Variants in GUCY2F observed in about 807,000 individuals in gnomAD.
GUCY2F encodes guanylate cyclase 2F, retinal, also known as retinal guanylyl cyclase 2.
A neutral mutation model predicts 73.1 loss-of-function variants in GUCY2F; 61 were observed. The observed-to-expected ratio is 0.83, with a 90% confidence interval of 0.68 to 1.03. The LOEUF (loss-of-function observed/expected upper bound fraction) is 1.03. Among genes scored for constraint, GUCY2F ranks in the 50% least tolerant of loss-of-function variants. The probability of loss-of-function intolerance (pLI) is 0.00; values close to 1 mark genes in which losing one functional copy is unlikely to be tolerated. For synonymous variants in GUCY2F, 331 were observed against 307.8 expected (o/e 1.08, Z -0.79); for missense variants, 912 against 854.3 (o/e 1.07, Z -0.84).
intron 14 of GUCY2F, among the ~76,000 whole-genome samples, chrX:109,390,864 G>A (rs1930543850): frequency 8.9e-6 from 1 of 112,562 alleles, no homozygotes; most frequent in Non-Finnish European, 1.9e-5. Context: ...TTATTTCTGA[G>A]CCCTATTTAG....
chrX:109,468,827 T>C (rs954858130), intron 2 of GUCY2F, among the ~76,000 whole-genome samples: 1 of 112,159 alleles, frequency 8.9e-6, no homozygotes, highest in African/African-American at 3.2e-5. Context: ...AATACTGAAT[T>C]CAAACAACAG....
chrX:109,455,652 G>A (rs955381137), intron 3 of GUCY2F, among the ~76,000 whole-genome samples: 3 of 110,920 alleles, frequency 2.7e-5, no homozygotes, highest in Admixed American at 9.6e-5. Context: ...TCTCGCTGAC[G>A]TCTCTCTTCA....
chrX:109,411,077 C>T (rs768809287), intron 8 of GUCY2F, among the ~76,000 whole-genome samples: 41 of 109,475 alleles, frequency 3.7e-4, no homozygotes, highest in Admixed American at 9.8e-4. Context: ...AAAAAGACTC[C>T]ATGATCACTC....
At chrX:109,379,614 A>G (rs972912679) in intron 17 of GUCY2F, among the ~76,000 whole-genome samples, 6 of 112,411 alleles carry the variant, frequency 5.3e-5, no homozygotes, top group African/African-American at 1.9e-4. Context: ...CAGAATGTAA[A>G]TCTACCTAAA....
intron 5 of GUCY2F, among the ~76,000 whole-genome samples, chrX:109,451,794 A>C (rs896109159): frequency 9.0e-6 from 1 of 111,502 alleles, no homozygotes; most frequent in Non-Finnish European, 1.9e-5. Flanking sequence ...AGCCAGATCT[A>C]TTCACAGGCA....
intron 19 of GUCY2F, among the ~76,000 whole-genome samples, chrX:109,373,788 A>C (rs891144943): frequency 1.8e-5 from 2 of 113,005 alleles, no homozygotes; most frequent in Non-Finnish European, 3.7e-5. Flanking sequence ...GCCCAAAATT[A>C]ACCTCAGTAG....
intron 8 of GUCY2F, among the ~76,000 whole-genome samples, chrX:109,426,611 G>A (rs1017789306): frequency 4.5e-5 from 5 of 111,601 alleles, no homozygotes; most frequent in Non-Finnish European, 9.4e-5. Context: ...GGATGGTGTC[G>A]ATCTCCTGAC....
At chrX:109,392,336 C>T (rs1035157142) in intron 13 of GUCY2F, among the ~76,000 whole-genome samples, 8 of 112,022 alleles carry the variant, frequency 7.1e-5, no homozygotes, top group Non-Finnish European at 1.1e-4. Flanking sequence ...CTGGACAGAC[C>T]TGGTCTGTGC....
At chrX:109,477,607 A>G (rs185724317) in intron 1 of GUCY2F, among the ~76,000 whole-genome samples, 1 of 112,688 alleles carries the variant, frequency 8.9e-6, no homozygotes, top group Admixed American at 9.3e-5. Context: ...CTGAGACCCC[A>G]CAACACTTAA....
At chrX:109,398,990 G>A (rs1029360030) in intron 10 of GUCY2F, among the ~76,000 whole-genome samples, 104 of 112,201 alleles carry the variant, frequency 9.3e-4, no homozygotes, top group African/African-American at 3.2e-3. Flanking sequence ...TTGCTTTCTT[G>A]AGCCTGCAAG....
chrX:109,394,595 C>G (rs1325808750), intron 12 of GUCY2F, among the ~76,000 whole-genome samples: 1 of 112,272 alleles, frequency 8.9e-6, no homozygotes, highest in African/African-American at 3.2e-5. Context: ...ATGGTGAGCA[C>G]CCTCAGTTTT....
Position 109,465,187 on chromosome X carries a change from C to T in GUCY2F, c.987G>A (p.Glu329=), listed in dbSNP as rs1450242514. Reference sequence around the variant, plus strand: ...CAGGAATTTCACCTCTTGCTGCTGCCTCTGTGAAGGCTTGATAGAAGGTCT... The same window carrying T: ...CAGGAATTTCACCTCTTGCTGCTGCTTCTGTGAAGGCTTGATAGAAGGTCT... ...QEKTFYQAFT[E]AAARGEIPEK... The change falls in exon 3 of 20, where the codon GAG becomes GAA. Residue 329 remains glutamate, a synonymous_variant. Coordinates refer to ENST00000218006, the MANE Select transcript of GUCY2F (RefSeq NM_001522.3). The T allele has an allele frequency of 1.7e-6, 2 of 1,210,223 alleles. No individual in the cohort carries two copies. The highest frequency in any genetic ancestry group is 2.2e-6 in the Non-Finnish European group (2 of 894,193).
intron 2 of GUCY2F, among the ~76,000 whole-genome samples, chrX:109,474,756 A>G (rs1932648888): frequency 8.9e-6 from 1 of 112,006 alleles, no homozygotes; most frequent in Non-Finnish European, 1.9e-5. Context: ...TCCCACAAGG[A>G]CACTGGGTAC....
At chrX:109,441,286 C>T in intron 7 of GUCY2F, 65 bp downstream of exon 7, 1 of 726,322 alleles carries the variant, frequency 1.4e-6, no homozygotes. Context: ...AGACTAATTA[C>T]TAAATCATTG....
chrX:109,376,076 T>C lies in GUCY2F; in HGVS notation c.3239+3A>G, dbSNP rs766207474. 4 of 1,186,324 alleles carry C rather than the reference T, an allele frequency of 3.4e-6. No individual in the cohort carries two copies. The highest frequency in any genetic ancestry group is 4.6e-6 in the Non-Finnish European group (4 of 872,155). ...ACTCCAATTAAATGTGAACTCCACT[T>C]ACCCATCTTTGTCCACTGGTGGGGG... On this transcript the variant is annotated splice_donor_region_variant and intron_variant, in intron 18 of 19. Transcript: ENST00000218006.
In GUCY2F at chrX:109,410,335, G is replaced by A. The variant is rs1000771859; in HGVS notation, c.1792-1167C>T. Among the ~76,000 whole-genome samples the A allele has an allele frequency of 1.2e-4, 14 of 112,035 alleles. 1 individual carries two copies. Among genetic ancestry groups the A allele is most frequent in the Admixed American group, 1.1e-3 (12 of 10,583 alleles). ...TGGAATGGAGCTCAGTGGCTCAAGA[G>A]GACTAAAGAGAGATGATACCGTAAA... is the stretch of plus-strand genomic sequence containing the variant. On this transcript the variant is annotated intron_variant, in intron 8 of 19. Transcript: ENST00000218006.
At chrX:109,454,099 A>C (rs1569372341) in intron 3 of GUCY2F, among the ~76,000 whole-genome samples, 1 of 111,737 alleles carries the variant, frequency 8.9e-6, no homozygotes, top group Non-Finnish European at 1.9e-5. Flanking sequence ...TTTATGAGCA[A>C]ACCAAGTCAT....
chrX:109,444,009 A>G (rs897114417), intron 6 of GUCY2F, among the ~76,000 whole-genome samples: 9 of 111,874 alleles, frequency 8.0e-5, no homozygotes, highest in African/African-American at 9.7e-5. Flanking sequence ...CTTTCTACTT[A>G]AGGCAGGAAA....
In GUCY2F at chrX:109,438,398, T is replaced by A. The variant is rs773444269; in HGVS notation, c.1701+2953A>T. Among the ~76,000 whole-genome samples the A allele has an allele frequency of 6.2e-5, 7 of 112,727 alleles. No individual in the cohort carries two copies. The South Asian group carries it at 2.6e-3, about 41-fold the overall frequency. The stretch of plus-strand genomic sequence containing the variant: ...CTAATTACCTCTTAATGTCCTCACA[T>A]CTTAATATCATCACATCAATCTGTG... On this transcript the variant is annotated intron_variant, in intron 7 of 19. Coordinates refer to ENST00000218006, the MANE Select transcript of GUCY2F (RefSeq NM_001522.3).
Sources: gnomAD v4.1 joint callset for allele counts (sites outside exome capture counted in the v4.1 genomes callset) on GRCh38, gnomAD v4.1.1 for gene constraint, MANE v1.5 for transcripts, NCBI Gene and HGNC (gene_info 2026-07-23, HGNC 2026-07-21) for gene names.